Variants in NNT observed in about 807,000 individuals in gnomAD.
NNT encodes the protein NAD(P) transhydrogenase, mitochondrial.
Under a neutral mutation model 104.8 loss-of-function variants are expected in NNT, and 50 were observed. That is an observed-to-expected ratio of 0.48 (90% CI 0.38 to 0.60). The LOEUF is 0.60. Among genes scored for constraint, NNT ranks in the 20% least tolerant of loss-of-function variants. NNT has a pLI of 0.00. For missense variants in NNT, 1,131 were observed against 1,330.7 expected (o/e 0.85, Z 2.33); for synonymous variants, 461 against 490.4 (o/e 0.94, Z 0.79).
intron 7 of NNT, among the ~76,000 whole-genome samples, chr5:43,636,665 T>C (rs1382572484): frequency 6.6e-6 from 1 of 152,186 alleles, no homozygotes; most frequent in Non-Finnish European, 1.5e-5. Context: ...TATACATATG[T>C]TGGAGAGAAT....
At chr5:43,668,584 G>A (rs1201866650) in intron 17 of NNT, among the ~76,000 whole-genome samples, 1 of 152,096 alleles carries the variant, frequency 6.6e-6, no homozygotes, top group African/African-American at 2.4e-5. Flanking sequence ...AAGATCAGAT[G>A]GTTGTAGATG....
chr5:43,623,743 T>C (rs1750217985), intron 5 of NNT, among the ~76,000 whole-genome samples: 1 of 152,236 alleles, frequency 6.6e-6, no homozygotes, highest in African/African-American at 2.4e-5. Context: ...ATGCTGATCA[T>C]GCTTAGGTAG....
chr5:43,673,861 A>G (rs1741263941), intron 17 of NNT, among the ~76,000 whole-genome samples: 1 of 152,144 alleles, frequency 6.6e-6, no homozygotes, highest in Non-Finnish European at 1.5e-5. Flanking sequence ...TCTACCAAAT[A>G]TATAAAAAGT....
intron 18 of NNT, among the ~76,000 whole-genome samples, chr5:43,676,042 A>G (rs1442937463): frequency 6.6e-6 from 1 of 152,172 alleles, no homozygotes; most frequent in Admixed American, 6.5e-5. Flanking sequence ...GTTGCTTAAT[A>G]AATGTTGTTT....
chr5:43,671,087 C>T (rs752522897), intron 17 of NNT, among the ~76,000 whole-genome samples: 109 of 152,174 alleles, frequency 7.2e-4, no homozygotes, highest in Admixed American at 6.5e-4. Flanking sequence ...TCTGTTTTAT[C>T]AGCGACTAGG....
intron 19 of NNT, among the ~76,000 whole-genome samples, chr5:43,691,068 A>AGTGTGTGTGT (rs1230738676): frequency 7.5e-6 from 1 of 133,928 alleles, no homozygotes; most frequent in African/African-American, 2.9e-5. Context: ...TTTTTTTGAG[A>AGTGTGTGTGT]GAGTGTGTGT....
At position 43,659,327 on chromosome 5, in the gene NNT, A is replaced by G. The variant is rs1488850356; in HGVS notation, c.2611A>G (p.Ile871Val). ...TGCACTCATAGGCTCGTCTGGTGCTATCCTGTCATACATCATGTGTGTGGT... is the reference window on the plus strand; with the variant it reads ...TGCACTCATAGGCTCGTCTGGTGCTGTCCTGTCATACATCATGTGTGTGGT... ...VGALIGSSGAILSYIMCVAMN... is the reference protein window; with the variant it reads ...VGALIGSSGAVLSYIMCVAMN... The change falls in exon 17 of 22, where the codon ATC becomes GTC. Residue 871 changes from isoleucine (I) to valine (V), a missense_variant. Ile to Val is a conservative substitution (Grantham distance 29). Transcript: ENST00000344920. The G allele has an allele frequency of 6.2e-7, 1 of 1,612,774 alleles. No homozygotes were observed. The highest frequency in any genetic ancestry group is 1.3e-5 in the African/African-American group (1 of 74,968).
chr5:43,684,184 C>T (rs115025329), intron 19 of NNT, among the ~76,000 whole-genome samples: 14 of 151,680 alleles, frequency 9.2e-5, no homozygotes, highest in African/African-American at 3.4e-4. Flanking sequence ...AAAAATTGTT[C>T]CCCTGAGATA....
At chr5:43,652,645 T>G (rs1351134688) in intron 13 of NNT, among the ~76,000 whole-genome samples, 1 of 152,174 alleles carries the variant, frequency 6.6e-6, no homozygotes, top group African/African-American at 2.4e-5. Context: ...TTCTTTAAGC[T>G]TTGATTCTGT....
In NNT at chr5:43,706,890, T is replaced by C. The variant is rs1743107422; in HGVS notation, c.*2486T>C. The C allele has an allele frequency of 6.6e-6, 1 of 152,312 alleles. No individual in the cohort carries two copies. Among genetic ancestry groups the C allele is most frequent in the Admixed American group, 6.5e-5 (1 of 15,286 alleles). 9.4% of individuals were successfully genotyped at this position (152,312 alleles called of 1,614,324 possible). A position where few individuals can be genotyped will look rare whatever the true frequency, so the allele number is the denominator to read the frequency against. On this transcript the variant is annotated 3_prime_UTR_variant, in exon 22 of 22. Coordinates refer to ENST00000344920, the MANE Select transcript of NNT (RefSeq NM_182977.3). The stretch of plus-strand genomic sequence containing the variant: ...CAAGGACAGAAAACCAAACACTGCA[T>C]GTTCTCACTCATAGGTGGGAATTGA...
At chr5:43,685,084 G>C (rs1398884795) in intron 19 of NNT, among the ~76,000 whole-genome samples, 1 of 152,144 alleles carries the variant, frequency 6.6e-6, no homozygotes, top group Non-Finnish European at 1.5e-5. Flanking sequence ...TAAATGAAGA[G>C]TTCCTACCTT....
At chr5:43,631,158 A>T (rs1750655150) in intron 7 of NNT, among the ~76,000 whole-genome samples, 1 of 152,176 alleles carries the variant, frequency 6.6e-6, no homozygotes. Context: ...GATGAAGCAG[A>T]CAGGTAGGAG....
chr5:43,665,219 TTTATTATTA>T (rs781536048), intron 17 of NNT, among the ~76,000 whole-genome samples: 1 of 116,836 alleles, frequency 8.6e-6, no homozygotes, highest in African/African-American at 4.0e-5. Flanking sequence ...TATTTATTTA[TTTATTATTA>T]TTATTATTAT....
intron 5 of NNT, among the ~76,000 whole-genome samples, chr5:43,622,858 A>T (rs1239287785): frequency 2.6e-5 from 4 of 151,198 alleles, no homozygotes; most frequent in African/African-American, 9.7e-5. Context: ...TGCTTTTTTA[A>T]ATTATGGTTT....
intron 5 of NNT, among the ~76,000 whole-genome samples, chr5:43,620,875 G>C (rs1276626921): frequency 6.6e-6 from 1 of 152,184 alleles, no homozygotes; most frequent in Non-Finnish European, 1.5e-5. Context: ...AATCTTTCTA[G>C]ATATATGTGG....
intron 5 of NNT, among the ~76,000 whole-genome samples, chr5:43,620,766 A>T (rs1441527777): frequency 6.6e-6 from 1 of 152,236 alleles, no homozygotes; most frequent in Admixed American, 6.5e-5. Flanking sequence ...TCTCAGGATC[A>T]TACAAAAATG....
chr5:43,693,654 A>T (rs772518301), intron 19 of NNT, among the ~76,000 whole-genome samples: 1 of 152,194 alleles, frequency 6.6e-6, no homozygotes, highest in African/African-American at 2.4e-5. Flanking sequence ...AGATGGTGAC[A>T]TTAGGATAGC....
At chr5:43,672,627 C>T (rs187904768) in intron 17 of NNT, among the ~76,000 whole-genome samples, 157 of 152,312 alleles carry the variant, frequency 1.0e-3, no homozygotes, top group African/African-American at 3.6e-3. Context: ...ATGTTGCTGC[C>T]TGATCGTTCC....
intron 2 of NNT, among the ~76,000 whole-genome samples, chr5:43,612,164 A>G (rs1031754292): frequency 6.6e-6 from 1 of 152,026 alleles, no homozygotes; most frequent in African/African-American, 2.4e-5. Flanking sequence ...TACAAATAAT[A>G]TTTGCACTGA....
Sources: gnomAD v4.1 joint callset for allele counts (sites outside exome capture counted in the v4.1 genomes callset) on GRCh38, gnomAD v4.1.1 for gene constraint, MANE v1.5 for transcripts, NCBI Gene and HGNC (gene_info 2026-07-23, HGNC 2026-07-21) for gene names.